Variants in FAM135A observed in about 807,000 individuals in gnomAD.
FAM135A encodes the protein family with sequence similarity 135 member A, also known as protein FAM135A.
Under a neutral mutation model 146.8 loss-of-function variants are expected in FAM135A, and 79 were observed. The ratio of observed to expected loss-of-function variants is 0.54; its 90% CI spans 0.45 to 0.65. The LOEUF is 0.65. Among genes scored for constraint, FAM135A ranks in the 30% least tolerant of loss-of-function variants. The pLI, the probability that FAM135A is intolerant of heterozygous loss-of-function variation, is 0.00. For synonymous variants in FAM135A, 562 were observed against 603.6 expected (o/e 0.93, Z 1.01); for missense variants, 1,623 against 1,758.2 (o/e 0.92, Z 1.38).
Position 70,482,062 on chromosome 6 carries a change from T to G in FAM135A, c.731T>G (p.Leu244Arg). 1 of 1,613,858 alleles carries G rather than the reference T, an allele frequency of 6.2e-7. No individual in the cohort carries two copies. The highest frequency in any genetic ancestry group is 8.5e-7 in the Non-Finnish European group (1 of 1,179,846). The change falls in exon 10 of 22, where the codon CTT (leucine) becomes CGT (arginine). Residue 244 changes from leucine to arginine, a missense_variant. By Grantham distance (102) the Leu-to-Arg change is moderately radical (BLOSUM62 -2). Coordinates refer to ENST00000418814, the MANE Select transcript of FAM135A (RefSeq NM_001162529.3). ...CATGCGTATCGTTTTCATTATACAC[T>G]TTGTGCCACTTTGCTGCTAGCCTTC... ...LHHAYRFHYT[L>R]CATLLLAFKG... is the part of the protein sequence containing the mutation.
At chr6:70,523,877 T>A in intron 13 of FAM135A, 90 bp from the exon 14 acceptor site, 1 of 1,308,878 alleles carries the variant, frequency 7.6e-7, no homozygotes. Context: ...GGATAGGAAT[T>A]GAGGAGGGAA....
intron 2 of FAM135A, among the ~76,000 whole-genome samples, chr6:70,416,943 AGTT>A (rs1415308524): frequency 6.6e-6 from 1 of 152,238 alleles, no homozygotes; most frequent in Non-Finnish European, 1.5e-5. Context: ...AAAGATTGGC[AGTT>A]GTTAACAGGT....
chr6:70,521,176 G>T (rs1196192707), intron 12 of FAM135A, among the ~76,000 whole-genome samples: 2 of 152,102 alleles, frequency 1.3e-5, no homozygotes, highest in African/African-American at 4.8e-5. Context: ...AAAGTTTTTA[G>T]TGTGGAGACT....
At chr6:70,510,358 G>A (rs972353711) in intron 12 of FAM135A, among the ~76,000 whole-genome samples, 2 of 152,006 alleles carry the variant, frequency 1.3e-5, no homozygotes, top group African/African-American at 4.8e-5. Context: ...ATTTAATATA[G>A]TCACAGTGTT....
At chr6:70,441,666 C>G (rs1397639452) in intron 4 of FAM135A, among the ~76,000 whole-genome samples, 5 of 151,284 alleles carry the variant, frequency 3.3e-5, no homozygotes. Flanking sequence ...TAAGTCCTTT[C>G]AGTTAACAGC....
At chr6:70,557,095 C>G in intron 21 of FAM135A, 10 of 566,086 alleles carry the variant, frequency 1.8e-5, no homozygotes, top group Non-Finnish European at 3.1e-5. Flanking sequence ...CATTTTGCTG[C>G]CTCAGAAGTA....
chr6:70,520,053 G>T (rs1001454988), intron 12 of FAM135A, among the ~76,000 whole-genome samples: 1 of 151,832 alleles, frequency 6.6e-6, no homozygotes, highest in Non-Finnish European at 1.5e-5. Context: ...TATTTTGTGT[G>T]ATCTTTTATA....
chr6:70,520,008 A>G (rs1431594164), intron 12 of FAM135A, among the ~76,000 whole-genome samples: 7 of 152,208 alleles, frequency 4.6e-5, no homozygotes, highest in African/African-American at 1.7e-4. Context: ...ATATTGGAAT[A>G]TCCATTAAAA....
At chr6:70,486,494 A>G (rs369704366) in intron 10 of FAM135A, among the ~76,000 whole-genome samples, 5 of 152,196 alleles carry the variant, frequency 3.3e-5, no homozygotes, top group South Asian at 2.1e-4. Flanking sequence ...GGCTTTTTTC[A>G]TATGTTTTTT....
At chr6:70,540,270 C>T (rs1035601968) in intron 20 of FAM135A, among the ~76,000 whole-genome samples, 1 of 150,280 alleles carries the variant, frequency 6.7e-6, no homozygotes, top group East Asian at 1.9e-4. Context: ...TTCTTTTTCT[C>T]TCACTCCCTT....
chr6:70,494,884 GACTATGCTA>G (rs1582536755), intron 11 of FAM135A, among the ~76,000 whole-genome samples: 1 of 152,224 alleles, frequency 6.6e-6, no homozygotes, highest in East Asian at 1.9e-4. Context: ...CTTTTGTATA[GACTATGCTA>G]AGTAAAGTGT....
At position 70,526,377 on chromosome 6, in the gene FAM135A, G is replaced by A; in HGVS notation, c.3293G>A (p.Gly1098Glu). 6.2e-7 allele frequency: 1 copy of A among 1,613,416 alleles called. No homozygotes were observed. The highest frequency in any genetic ancestry group is 8.5e-7 in the Non-Finnish European group (1 of 1,179,620). ...CAGGATCAACAAATGGTTCAAAATG[G>A]GTACTATGAAGAAACAGATTATTCA... ...EEQDQQMVQN[G>E]YYEETDYSAL... Residue 1098 changes from glycine to glutamate, a missense_variant, in exon 15 of 22, where the codon GGG becomes GAG. By Grantham distance (98) the Gly-to-Glu change is moderately conservative. Coordinates refer to ENST00000418814, the MANE Select transcript of FAM135A (RefSeq NM_001162529.3).
intron 10 of FAM135A, among the ~76,000 whole-genome samples, chr6:70,488,156 C>T (rs1785087836): frequency 6.6e-6 from 1 of 151,962 alleles, no homozygotes; most frequent in Non-Finnish European, 1.5e-5. Flanking sequence ...CAGTATTGTT[C>T]TTAGTGGCAA....
intron 4 of FAM135A, among the ~76,000 whole-genome samples, chr6:70,439,684 C>CT (rs1288067511): frequency 6.6e-6 from 1 of 152,182 alleles, no homozygotes. Context: ...CTCCTATACT[C>CT]TTTTGTTTCA....
chr6:70,445,047 A>G (rs1775382494), intron 4 of FAM135A, among the ~76,000 whole-genome samples: 1 of 152,214 alleles, frequency 6.6e-6, no homozygotes, highest in Admixed American at 6.5e-5. Flanking sequence ...ATATTCTTTA[A>G]CTAAAGACAT....
chr6:70,448,871 C>T (rs527666511), intron 4 of FAM135A, among the ~76,000 whole-genome samples: 5 of 152,268 alleles, frequency 3.3e-5, no homozygotes, highest in East Asian at 3.9e-4. Flanking sequence ...GGTTTAAGAA[C>T]GCCTTTAAGC....
At position 70,523,997 on chromosome 6, in the gene FAM135A, T is replaced by C. The variant is rs1248350703; in HGVS notation, c.1134T>C (p.Ala378=). The C allele has an allele frequency of 1.2e-6, 2 of 1,612,304 alleles. No homozygotes were observed. The highest frequency in any genetic ancestry group is 1.7e-6 in the Non-Finnish European group (2 of 1,179,336). The part of the protein sequence containing the change: ...HAQSHLQMCT[A]IKNTSFCSSL... Reference sequence around the variant, plus strand: ...AGAGTCATCTACAGATGTGCACCGCTATCAAAAATACTTCCTTCTGCAGTT... The same window carrying C: ...AGAGTCATCTACAGATGTGCACCGCCATCAAAAATACTTCCTTCTGCAGTT... The change falls in exon 14 of 22, where the codon GCT becomes GCC. Residue 378 remains alanine, a synonymous_variant. Coordinates refer to ENST00000418814, the MANE Select transcript of FAM135A (RefSeq NM_001162529.3).
chr6:70,498,699 G>T (rs1483773688), intron 11 of FAM135A, among the ~76,000 whole-genome samples: 1 of 152,146 alleles, frequency 6.6e-6, no homozygotes, highest in African/African-American at 2.4e-5. Context: ...TGGTTTCAAA[G>T]AACTTCTTTA....
chr6:70,519,454 G>A (rs984028682), intron 12 of FAM135A, among the ~76,000 whole-genome samples: 8 of 152,220 alleles, frequency 5.3e-5, no homozygotes, highest in Middle Eastern at 3.2e-3. Flanking sequence ...ACTCAATTTT[G>A]AAGTTCTACT....
Sources: gnomAD v4.1 joint callset for allele counts (sites outside exome capture counted in the v4.1 genomes callset) on GRCh38, gnomAD v4.1.1 for gene constraint, MANE v1.5 for transcripts, NCBI Gene and HGNC (gene_info 2026-07-23, HGNC 2026-07-21) for gene names.